SRL: variants seen among roughly 807,000 people sequenced by gnomAD.
SRL encodes sarcalumenin.
In SRL, 23 loss-of-function variants were observed where a neutral mutation model predicts 39.5. That is an observed-to-expected ratio of 0.58 (90% CI 0.42 to 0.82). The LOEUF (loss-of-function observed/expected upper bound fraction) is 0.82. Among genes scored for constraint, SRL ranks in the 40% least tolerant of loss-of-function variants. SRL has a pLI of 0.00. For synonymous variants in SRL, 272 were observed against 237.4 expected (o/e 1.15, Z -1.34); for missense variants, 592 against 607.8 (o/e 0.97, Z 0.27).
At chr16:4,206,018 G>C (rs1264234330) in intron 1 of SRL, among the ~76,000 whole-genome samples, 2 of 152,062 alleles carry the variant, frequency 1.3e-5, no homozygotes, top group Non-Finnish European at 2.9e-5. Flanking sequence ...GTGAAGACTT[G>C]ACCTCGACCT....
At position 4,190,173 on chromosome 16, in the gene SRL, C is replaced by T. The variant is rs34019858; in HGVS notation, c.*1980G>A. On this transcript the variant is annotated 3_prime_UTR_variant, in exon 6 of 6. Transcript: ENST00000399609. ...CTCCACAAAGCCAAACGCAACGGCCCCTGTGACAGCATGCACCAGAGTGAT... is the reference window on the plus strand; with the variant it reads ...CTCCACAAAGCCAAACGCAACGGCCTCTGTGACAGCATGCACCAGAGTGAT... 57,890 of 397,860 alleles carry T rather than the reference C, an allele frequency of 0.15. 4,799 individuals carry two copies. Among genetic ancestry groups the T allele is most frequent in the Non-Finnish European group, 0.18 (40,729 of 226,032 alleles). The allele number at this position is 397,860 out of a possible 1,614,324, so 24.6% of individuals were successfully genotyped here. A position where few individuals can be genotyped will look rare whatever the true frequency, so the allele number is the denominator to read the frequency against.
intron 1 of SRL, among the ~76,000 whole-genome samples, chr16:4,208,311 G>A (rs1104967): frequency 0.54 from 82,094 of 151,606 alleles, 22,875 homozygotes; most frequent in Middle Eastern, 0.69. Context: ...AGATGTAGAA[G>A]CTGTGGATCA....
rs143376087 is a variant in SRL at position 4,228,667 on chromosome 16, G to A, written c.61+13340C>T. On this transcript the variant is annotated intron_variant, in intron 1 of 5. Coordinates refer to ENST00000399609, the MANE Select transcript of SRL (RefSeq NM_001098814.2). The stretch of plus-strand genomic sequence containing the variant: ...GGAGAATGGAGTGAACCCAGGAGGC[G>A]GAGCTTGCAGTGAGCCAAGATCATG... Among the ~76,000 whole-genome samples, 123 of 152,054 alleles carry A rather than the reference G, an allele frequency of 8.1e-4. 1 individual carries two copies. Among genetic ancestry groups the A allele is most frequent in the Admixed American group, 1.3e-3 (20 of 15,274 alleles).
chr16:4,192,028 C>T lies in SRL; in HGVS notation c.*125G>A. On this transcript the variant is annotated 3_prime_UTR_variant, in exon 6 of 6. Transcript: ENST00000399609. The surrounding 1 kb of genome is among the most constrained non-coding windows in gnomAD (Gnocchi z 4.0). ...TGCCCCGACCCCTGGCCTCAATGAA[C>T]TCCCAACTCTCCACTGTGTAATAAT... is the stretch of plus-strand genomic sequence containing the variant. 1 of 1,125,146 alleles carries T rather than the reference C, an allele frequency of 8.9e-7. No individual in the cohort carries two copies. Among genetic ancestry groups the T allele is most frequent in the Non-Finnish European group, 1.3e-6 (1 of 784,814 alleles). 69.7% of individuals were successfully genotyped at this position (1,125,146 alleles called of 1,614,324 possible). A position where few individuals can be genotyped will look rare whatever the true frequency, so the allele number is the denominator to read the frequency against.
At chr16:4,193,923 AATAAT>A (rs2052099533) in intron 5 of SRL, among the ~76,000 whole-genome samples, 1 of 149,886 alleles carries the variant, frequency 6.7e-6, no homozygotes, top group Non-Finnish European at 1.5e-5. Flanking sequence ...ATTATACCAT[AATAAT>A]ATAATTAAAT....
intron 3 of SRL, among the ~76,000 whole-genome samples, chr16:4,201,950 G>A (rs1479042706): frequency 1.3e-5 from 2 of 151,846 alleles, no homozygotes; most frequent in East Asian, 3.9e-4. Context: ...CACCACGCCC[G>A]CCCCTAATTT....
At chr16:4,208,401 G>A (rs887683928) in intron 1 of SRL, among the ~76,000 whole-genome samples, 2 of 152,140 alleles carry the variant, frequency 1.3e-5, no homozygotes, top group African/African-American at 2.4e-5. Flanking sequence ...CCCGCACCGC[G>A]ACCCTGGCCC....
At chr16:4,209,819 G>C (rs1296549547) in intron 1 of SRL, among the ~76,000 whole-genome samples, 1 of 152,188 alleles carries the variant, frequency 6.6e-6, no homozygotes, top group East Asian at 1.9e-4. Context: ...CTGAATAAGT[G>C]AAAGTCCAGA....
chr16:4,194,524 CCT>C (rs1347425828), intron 5 of SRL, among the ~76,000 whole-genome samples: 1 of 152,170 alleles, frequency 6.6e-6, no homozygotes, highest in Non-Finnish European at 1.5e-5. Context: ...TCAGGTTCAA[CCT>C]ACAGCAGGCC....
At chr16:4,199,843 C>G (rs535052772) in intron 3 of SRL, among the ~76,000 whole-genome samples, 1 of 151,092 alleles carries the variant, frequency 6.6e-6, no homozygotes, top group South Asian at 2.1e-4. Context: ...ACTACAGGTG[C>G]GTGCCACCAC....
intron 1 of SRL, 107 bp from the exon 2 acceptor site, chr16:4,204,741 G>C (rs2052296752): frequency 1.1e-6 from 1 of 896,036 alleles, no homozygotes; most frequent in Admixed American, 2.0e-5. Context: ...GGCTCAACAG[G>C]GTCTTGCCAA....
chr16:4,213,576 G>T (rs2052421389), intron 1 of SRL, among the ~76,000 whole-genome samples: 1 of 150,744 alleles, frequency 6.6e-6, no homozygotes, highest in African/African-American at 2.4e-5. Flanking sequence ...ACATCCAGCT[G>T]ATTTTTTTCA....
At position 4,199,496 on chromosome 16, in the gene SRL, G is replaced by C. The variant is rs927044527; in HGVS notation, c.260-1581C>G. Reference sequence around the variant, plus strand: ...AGCGATCCTCCCACCTCAGCCTCCTGAGTAGCTGAGACCACAGGCATGTAC... The same window carrying C: ...AGCGATCCTCCCACCTCAGCCTCCTCAGTAGCTGAGACCACAGGCATGTAC... On this transcript the variant is annotated intron_variant, in intron 3 of 5. Transcript: ENST00000399609. 3.4e-5 allele frequency among the ~76,000 whole-genome samples: 5 copies of C among 147,710 alleles called. No homozygotes were observed. In the South Asian group the frequency reaches 1.1e-3, roughly 32 times the overall value.
At chr16:4,232,481 C>T (rs886514895) in intron 1 of SRL, among the ~76,000 whole-genome samples, 19 of 151,994 alleles carry the variant, frequency 1.3e-4, no homozygotes, top group Non-Finnish European at 1.9e-4. Flanking sequence ...AAAGGAATGG[C>T]TTGGTCAAGC....
chr16:4,215,240 C>T (rs2052444186), intron 1 of SRL, among the ~76,000 whole-genome samples: 2 of 152,154 alleles, frequency 1.3e-5, no homozygotes, highest in South Asian at 4.1e-4. Context: ...CATGGGCGAC[C>T]AGAGTGCAGG....
intron 1 of SRL, among the ~76,000 whole-genome samples, chr16:4,216,348 T>C (rs916582829): frequency 2.6e-5 from 4 of 152,172 alleles, no homozygotes; most frequent in African/African-American, 9.6e-5. Context: ...CTCAGCTCAC[T>C]GCAACCTCTG....
intron 1 of SRL, chr16:4,207,121 C>G (rs1466511824): frequency 2.2e-6 from 1 of 456,434 alleles, no homozygotes; most frequent in Non-Finnish European, 4.4e-6. Flanking sequence ...GTGGCCTCCT[C>G]GGAGGCGCCC....
At chr16:4,210,024 T>G (rs2052373366) in intron 1 of SRL, among the ~76,000 whole-genome samples, 1 of 152,168 alleles carries the variant, frequency 6.6e-6, no homozygotes, top group African/African-American at 2.4e-5. Flanking sequence ...TGGTCCTGGC[T>G]CCTGATTTGC....
chr16:4,195,463 G>C, intron 5 of SRL, 90 bp downstream of exon 5: 2 of 1,284,266 alleles, frequency 1.6e-6, no homozygotes, highest in Non-Finnish European at 1.1e-6. Context: ...CTCCCAAAGA[G>C]TTGGGATCAC....
Sources: allele counts gnomAD v4.1 joint callset (sites outside exome capture counted in the v4.1 genomes callset), GRCh38; gene constraint gnomAD v4.1.1; non-coding constraint Gnocchi (gnomAD v3.1); transcripts MANE v1.5; gene names NCBI Gene and HGNC (gene_info 2026-07-23, HGNC 2026-07-21).